The following RAPGEF5 variants were observed in gnomAD, a reference collection of about 807,000 sequenced individuals.
RAPGEF5 encodes M-Ras-regulated GEF.
Under a neutral mutation model 125.2 loss-of-function variants are expected in RAPGEF5, and 65 were observed. The observed-to-expected ratio is 0.52, with a 90% CI of 0.43 to 0.64. The LOEUF is 0.64. Ranked by LOEUF, RAPGEF5 falls within the 30% of genes least tolerant of loss-of-function variation. The probability of loss-of-function intolerance (pLI) is 0.00; values close to 1 mark genes in which losing one functional copy is unlikely to be tolerated. For synonymous variants in RAPGEF5, 391 were observed against 385.9 expected (o/e 1.01, Z -0.16); for missense variants, 958 against 1,048.1 (o/e 0.91, Z 1.19).
At chr7:22,255,737 A>G (rs1289505266) in intron 7 of RAPGEF5, among the ~76,000 whole-genome samples, 2 of 152,096 alleles carry the variant, frequency 1.3e-5, no homozygotes, top group Non-Finnish European at 2.9e-5. Context: ...TATCCTAGAA[A>G]GAGAGAAAAA....
intron 9 of RAPGEF5, among the ~76,000 whole-genome samples, chr7:22,219,098 G>A (rs1785713957): frequency 6.6e-6 from 1 of 152,136 alleles, no homozygotes; most frequent in South Asian, 2.1e-4. Flanking sequence ...TATAAGCGCA[G>A]AGGAATTTTC....
intron 9 of RAPGEF5, among the ~76,000 whole-genome samples, chr7:22,213,931 A>T (rs1239697802): frequency 6.6e-6 from 1 of 152,238 alleles, no homozygotes; most frequent in Middle Eastern, 3.2e-3. Context: ...TTAGTATTTC[A>T]TATAGAGTAA....
At chr7:22,323,373 G>A (rs1306040716) in intron 1 of RAPGEF5, among the ~76,000 whole-genome samples, 1 of 152,174 alleles carries the variant, frequency 6.6e-6, no homozygotes, top group Non-Finnish European at 1.5e-5. Flanking sequence ...AAATCAGCAA[G>A]AACCAACAGC....
intron 6 of RAPGEF5, among the ~76,000 whole-genome samples, chr7:22,290,810 G>A (rs1426882730): frequency 2.0e-5 from 3 of 150,674 alleles, no homozygotes; most frequent in Non-Finnish European, 4.4e-5. Flanking sequence ...CTAGTGACCC[G>A]GCCTTTTTTG....
intron 3 of RAPGEF5, among the ~76,000 whole-genome samples, chr7:22,312,353 C>A (rs887469564): frequency 6.6e-6 from 1 of 152,270 alleles, no homozygotes; most frequent in African/African-American, 2.4e-5. Context: ...GGATTACAGG[C>A]GTCTGCCACC....
chr7:22,297,309 T>C (rs1783084914), intron 5 of RAPGEF5, among the ~76,000 whole-genome samples: 1 of 152,216 alleles, frequency 6.6e-6, no homozygotes, highest in African/African-American at 2.4e-5. Flanking sequence ...CATGCATCCA[T>C]TTTTATCAGG....
At chr7:22,203,808 G>T (rs1234489017) in intron 9 of RAPGEF5, among the ~76,000 whole-genome samples, 1 of 152,142 alleles carries the variant, frequency 6.6e-6, no homozygotes, top group Non-Finnish European at 1.5e-5. Context: ...CTGGGTCAAC[G>T]GGCAACTGAG....
intron 7 of RAPGEF5, among the ~76,000 whole-genome samples, chr7:22,263,302 T>C (rs1177723607): frequency 6.6e-6 from 1 of 152,244 alleles, no homozygotes; most frequent in Admixed American, 6.5e-5. Flanking sequence ...TAAAAGATAC[T>C]CTGGATCTGT....
intron 14 of RAPGEF5, among the ~76,000 whole-genome samples, chr7:22,159,593 A>C (rs1439052683): frequency 1.3e-5 from 2 of 152,222 alleles, no homozygotes; most frequent in Non-Finnish European, 2.9e-5. Context: ...TCTGTGGCTA[A>C]ATCTGAAAAC....
At chr7:22,271,690 C>T (rs1782430808) in intron 6 of RAPGEF5, among the ~76,000 whole-genome samples, 1 of 152,146 alleles carries the variant, frequency 6.6e-6, no homozygotes, top group Non-Finnish European at 1.5e-5. Context: ...AAACATATCC[C>T]AAATTTTTCC....
chr7:22,246,379 C>T (rs755785088), intron 7 of RAPGEF5, among the ~76,000 whole-genome samples: 18 of 152,072 alleles, frequency 1.2e-4, no homozygotes, highest in Non-Finnish European at 2.2e-4. Context: ...CAAAAATAGA[C>T]ACAAAGACCA....
At chr7:22,215,174 T>C (rs1785606637) in intron 9 of RAPGEF5, among the ~76,000 whole-genome samples, 1 of 152,140 alleles carries the variant, frequency 6.6e-6, no homozygotes, top group Non-Finnish European at 1.5e-5. Flanking sequence ...TCTCATGAAA[T>C]CTTCCTTCTC....
At chr7:22,139,822 C>A in intron 21 of RAPGEF5, 1 of 482,192 alleles carries the variant, frequency 2.1e-6, no homozygotes, top group Non-Finnish European at 3.8e-6. Context: ...AAGACTAATT[C>A]TAGCTGGGGA....
chr7:22,245,900 T>C (rs1456826771), intron 7 of RAPGEF5, among the ~76,000 whole-genome samples: 1 of 152,136 alleles, frequency 6.6e-6, no homozygotes, highest in Non-Finnish European at 1.5e-5. Flanking sequence ...ACAAAATTGA[T>C]GTACATAAAA....
intron 17 of RAPGEF5, among the ~76,000 whole-genome samples, chr7:22,153,154 T>A (rs971029675): frequency 2.0e-5 from 3 of 152,136 alleles, no homozygotes; most frequent in Non-Finnish European, 4.4e-5. Flanking sequence ...AGCTCTTCCT[T>A]CTCTGGCACC....
intron 8 of RAPGEF5, among the ~76,000 whole-genome samples, chr7:22,224,039 T>G (rs1250414045): frequency 6.6e-6 from 1 of 152,146 alleles, no homozygotes; most frequent in East Asian, 1.9e-4. Flanking sequence ...GACATTTTAT[T>G]TATAAAAACA....
chr7:22,285,601 T>C (rs764948163), intron 6 of RAPGEF5, among the ~76,000 whole-genome samples: 9 of 151,980 alleles, frequency 5.9e-5, no homozygotes, highest in Admixed American at 5.2e-4. Flanking sequence ...AATTGTAGAG[T>C]CACCAAGAAG....
chr7:22,264,891 A>T (rs1285155488), intron 7 of RAPGEF5, among the ~76,000 whole-genome samples: 4 of 152,204 alleles, frequency 2.6e-5, no homozygotes, highest in Non-Finnish European at 5.9e-5. Flanking sequence ...ACTTGTACGG[A>T]CTGTACATTT....
intron 8 of RAPGEF5, chr7:22,220,340 C>G (rs1785755750): frequency 5.5e-6 from 1 of 180,734 alleles, no homozygotes; most frequent in Non-Finnish European, 1.2e-5. Flanking sequence ...AGGTTAAAAA[C>G]TCATGGGAAA....
Sources: gnomAD v4.1 joint callset for allele counts (sites outside exome capture counted in the v4.1 genomes callset) on GRCh38, gnomAD v4.1.1 for gene constraint, MANE v1.5 for transcripts, NCBI Gene and HGNC (gene_info 2026-07-23, HGNC 2026-07-21) for gene names.